The following PRR16 variants were observed in gnomAD, a reference collection of about 807,000 sequenced individuals.
PRR16 encodes proline rich 16.
PRR16 carries 6 observed loss-of-function variants against 18.2 expected under a neutral mutation model. The ratio of observed to expected loss-of-function variants is 0.33; its 90% confidence interval spans 0.18 to 0.65. PRR16 has a LOEUF of 0.65. Among genes scored for constraint, PRR16 ranks in the 30% least tolerant of loss-of-function variants. PRR16 has a pLI of 0.74. For missense variants in PRR16, 412 were observed against 376.6 expected (o/e 1.09, Z -0.78); for synonymous variants, 151 against 147.8 (o/e 1.02, Z -0.16).
the PRR16 span, among the ~76,000 whole-genome samples, chr5:120,734,351 A>ATG: frequency 6.6e-6 from 1 of 151,168 alleles, no homozygotes; most frequent in Non-Finnish European, 1.5e-5. Context: ...GTGTGTGTGT[A>ATG]TGTGTGTGTG....
chr5:120,567,718 C>A (rs780928760), intron 1 of PRR16, among the ~76,000 whole-genome samples: 2 of 152,236 alleles, frequency 1.3e-5, no homozygotes, highest in African/African-American at 4.8e-5. Flanking sequence ...TGCTACCATG[C>A]GAAGATGTGC....
At chr5:120,745,423 G>T in the PRR16 span, among the ~76,000 whole-genome samples, 2 of 152,006 alleles carry the variant, frequency 1.3e-5, no homozygotes, top group Admixed American at 6.6e-5. Context: ...TTCTCATTAT[G>T]CTCTTTCCAT....
the PRR16 span, chr5:120,710,961 A>G: frequency 6.6e-6 from 1 of 151,184 alleles, no homozygotes. Context: ...TTCCCCCCTC[A>G]GCTTCTAATG....
chr5:120,568,124 A>G (rs1752793009), intron 1 of PRR16, among the ~76,000 whole-genome samples: 1 of 152,204 alleles, frequency 6.6e-6, no homozygotes, highest in Non-Finnish European at 1.5e-5. Context: ...TTTGCATATT[A>G]ATCATCATTT....
chr5:120,550,931 A>G (rs1215596524), intron 1 of PRR16, among the ~76,000 whole-genome samples: 1 of 152,006 alleles, frequency 6.6e-6, no homozygotes, highest in Non-Finnish European at 1.5e-5. Context: ...AAAAAATTGT[A>G]TATATTCAAA....
At chr5:120,752,787 A>G in the PRR16 span, among the ~76,000 whole-genome samples, 6 of 151,930 alleles carry the variant, frequency 3.9e-5, no homozygotes, top group African/African-American at 1.4e-4. Flanking sequence ...TCATTACGAG[A>G]TAGTTATTTA....
chr5:120,651,137 T>C (rs1018509586), intron 1 of PRR16, among the ~76,000 whole-genome samples: 3 of 152,160 alleles, frequency 2.0e-5, no homozygotes, highest in African/African-American at 7.2e-5. Context: ...TTTTGAGAAG[T>C]GTCTGTTCAT....
At chr5:120,672,176 G>A (rs1259293086) in intron 1 of PRR16, among the ~76,000 whole-genome samples, 1 of 151,768 alleles carries the variant, frequency 6.6e-6, no homozygotes, top group African/African-American at 2.4e-5. Context: ...GGACTTGAAG[G>A]CAATCGGGAA....
intron 1 of PRR16, among the ~76,000 whole-genome samples, chr5:120,644,225 G>T (rs1255969277): frequency 2.6e-5 from 4 of 151,990 alleles, no homozygotes; most frequent in African/African-American, 9.7e-5. Flanking sequence ...AAAGTTTTCA[G>T]CTTAACTCTA....
the PRR16 span, among the ~76,000 whole-genome samples, chr5:120,736,663 A>G: frequency 1.4e-5 from 2 of 146,086 alleles, no homozygotes; most frequent in African/African-American, 2.5e-5. Context: ...CATTGAATGT[A>G]TAGATCACTT....
At chr5:120,729,378 T>A in the PRR16 span, among the ~76,000 whole-genome samples, 8 of 151,946 alleles carry the variant, frequency 5.3e-5, no homozygotes, top group Non-Finnish European at 1.0e-4. Context: ...AGAACAATAC[T>A]TATTTCTTAA....
intron 1 of PRR16, among the ~76,000 whole-genome samples, chr5:120,488,369 A>T (rs970541448): frequency 3.3e-5 from 5 of 152,142 alleles, no homozygotes; most frequent in Non-Finnish European, 2.9e-5. Context: ...TTCCTGGCTT[A>T]GTCTTGGGAG....
Position 120,464,387 on chromosome 5 carries a change from G to A in PRR16, c.-100G>A, listed in dbSNP as rs555838644. On this transcript the variant is annotated 5_prime_UTR_variant, in exon 1 of 2. Transcript: ENST00000407149. Reference sequence around the variant, plus strand: ...GCCCAGGGAGCGCCCAAGATGTGGGGGGACCGGGGCGGCAGCGGCCGTAGC... The same window carrying A: ...GCCCAGGGAGCGCCCAAGATGTGGGAGGACCGGGGCGGCAGCGGCCGTAGC... 1 of 1,359,526 alleles carries A rather than the reference G, an allele frequency of 7.4e-7. No homozygotes were observed. Among genetic ancestry groups the A allele is most frequent in the Non-Finnish European group, 9.8e-7 (1 of 1,025,388 alleles). The allele number at this position is 1,359,526 out of a possible 1,614,324, so 84.2% of individuals were successfully genotyped here.
the PRR16 span, among the ~76,000 whole-genome samples, chr5:120,791,611 CT>C: frequency 2.4e-5 from 2 of 83,940 alleles, no homozygotes; most frequent in Non-Finnish European, 5.9e-5. Flanking sequence ...ATCTATCTAT[CT>C]ATCTATCTAT....
In PRR16 at chr5:120,620,422, G is replaced by A. The variant is rs552062046; in HGVS notation, c.160-65532G>A. Among the ~76,000 whole-genome samples the A allele has an allele frequency of 1.3e-4, 20 of 152,152 alleles. No homozygotes were observed. In the South Asian group the frequency reaches 4.1e-3, roughly 32 times the overall value. ...TTATGAGGTGAGGTTGCTTGATTTT[G>A]TTGTCAAATCAAAACAACTATAGAT... On this transcript the variant is annotated intron_variant, in intron 1 of 1. Transcript: ENST00000407149.
chr5:120,625,954 G>C (rs1218630633), intron 1 of PRR16, among the ~76,000 whole-genome samples: 1 of 152,066 alleles, frequency 6.6e-6, no homozygotes, highest in Non-Finnish European at 1.5e-5. Flanking sequence ...TTTAGAACTA[G>C]TACAATATTG....
intron 1 of PRR16, among the ~76,000 whole-genome samples, chr5:120,475,356 C>T (rs145791164): frequency 2.6e-5 from 4 of 152,114 alleles, no homozygotes; most frequent in East Asian, 1.9e-4. Context: ...CTTTAAATCA[C>T]GTCTCTTTTT....
chr5:120,502,335 C>G (rs1395125958), intron 1 of PRR16, among the ~76,000 whole-genome samples: 4 of 148,338 alleles, frequency 2.7e-5, no homozygotes, highest in African/African-American at 5.0e-5. Context: ...GTAAAGAACC[C>G]CAATAAATAT....
intron 1 of PRR16, among the ~76,000 whole-genome samples, chr5:120,572,786 C>T (rs1431616963): frequency 6.6e-6 from 1 of 152,076 alleles, no homozygotes; most frequent in Non-Finnish European, 1.5e-5. Flanking sequence ...CAAGGGAAAA[C>T]TATATATAGG....
Sources: allele counts gnomAD v4.1 joint callset (sites outside exome capture counted in the v4.1 genomes callset), GRCh38; gene constraint gnomAD v4.1.1; transcripts MANE v1.5; gene names NCBI Gene and HGNC (gene_info 2026-07-23, HGNC 2026-07-21).